FAM171A2: variants seen among roughly 807,000 people sequenced by gnomAD.
FAM171A2 encodes the protein family with sequence similarity 171 member A2, also known as protein FAM171A2.
In FAM171A2, 13 loss-of-function variants were observed where a neutral mutation model predicts 34.2. The ratio of observed to expected loss-of-function variants is 0.38; its 90% CI spans 0.25 to 0.60. FAM171A2 has a LOEUF of 0.60. FAM171A2 is among the 20% of genes least tolerant of loss of function. The pLI, the probability that FAM171A2 is intolerant of heterozygous loss-of-function variation, is 0.62. For missense variants in FAM171A2, 950 were observed against 1,180.7 expected, an observed-to-expected ratio of 0.80 and a Z score of 2.86; for synonymous variants, 475 against 561.2, an observed-to-expected ratio of 0.85 and a Z score of 2.17.
In FAM171A2 at chr17:44,356,492, G is replaced by A. The variant is rs984609385; in HGVS notation, c.536C>T (p.Ala179Val). Residue 179 changes from alanine to valine, a missense_variant, in exon 4 of 8, where the codon GCC (alanine) becomes GTC (valine). Ala to Val is a moderately conservative substitution (Grantham distance 64). Transcript: ENST00000293443. ...YSQLWASLTP[A>V]STQQEMRAFP... Reference sequence around the variant, plus strand: ...AGCCCGCATTTCCTGCTGGGTGCTGGCAGGCGTAAGTGACGCCCAGAGCTG... The same window carrying A: ...AGCCCGCATTTCCTGCTGGGTGCTGACAGGCGTAAGTGACGCCCAGAGCTG... 43 of 1,550,676 alleles carry A rather than the reference G, an allele frequency of 2.8e-5. No individual in the cohort carries two copies. The highest frequency in any genetic ancestry group is 3.6e-5 in the Non-Finnish European group (41 of 1,146,968).
At chr17:44,360,792 G>A (rs1355905468) in intron 1 of FAM171A2, among the ~76,000 whole-genome samples, 1 of 152,204 alleles carries the variant, frequency 6.6e-6, no homozygotes, top group East Asian at 1.9e-4. Context: ...GGGACACTAG[G>A]AAACTGGTCA....
chr17:44,358,444 G>A (rs1198685564), intron 3 of FAM171A2, among the ~76,000 whole-genome samples: 1 of 152,152 alleles, frequency 6.6e-6, no homozygotes, highest in Non-Finnish European at 1.5e-5. Context: ...TGTAATCCCA[G>A]CACTTTGAGA....
In FAM171A2 at chr17:44,353,841, G is replaced by C; in HGVS notation, c.2373C>G (p.Thr791=). The change falls in exon 8 of 8, where the codon ACC becomes ACG. Residue 791 remains threonine (T), a synonymous_variant. Transcript: ENST00000293443. ...CCGCCCCCAGCTCGTCCTCCGGGCT[G>C]GTGAGCGAGTCGCGCCGCAGCTCGC... ...SASELRRDSL[T]SPEDELGAEV... is the part of the protein sequence containing the mutation. 1 of 1,402,768 alleles carries C rather than the reference G, an allele frequency of 7.1e-7. No homozygotes were observed. The highest frequency in any genetic ancestry group is 3.2e-5 in the East Asian group (1 of 31,046). 86.9% of individuals were successfully genotyped at this position (1,402,768 alleles called of 1,614,324 possible).
rs1036757303 is a variant in FAM171A2, at chr17:44,353,629, G to C, written c.*104C>G. On this transcript the variant is annotated 3_prime_UTR_variant, in exon 8 of 8. Transcript: ENST00000293443. Reference sequence around the variant, plus strand: ...TCCAAGGCCCCTGGGCCCCTCTCCGGCCTGGGGCTGGGAGCTACGCGCGAG... The same window carrying C: ...TCCAAGGCCCCTGGGCCCCTCTCCGCCCTGGGGCTGGGAGCTACGCGCGAG... 3.3e-6 allele frequency: 3 copies of C among 922,994 alleles called. No homozygotes were observed. The highest frequency in any genetic ancestry group is 3.5e-5 in the African/African-American group (2 of 56,974). The allele number at this position is 922,994 out of a possible 1,614,324, so 57.2% of individuals were successfully genotyped here. A position where few individuals can be genotyped will look rare whatever the true frequency, so the allele number is the denominator to read the frequency against.
Position 44,354,036 on chromosome 17 carries a change from G to A in FAM171A2, c.2178C>T (p.Leu726=). 3.4e-6 allele frequency: 4 copies of A among 1,168,336 alleles called. No individual in the cohort carries two copies. The highest frequency in any genetic ancestry group is 4.2e-6 in the Non-Finnish European group (4 of 947,528). The allele number at this position is 1,168,336 out of a possible 1,614,324, so 72.4% of individuals were successfully genotyped here. ...PPPPAPPRLA[L]SEDTEPSSSE... is the part of the protein sequence containing the mutation. The stretch of plus-strand genomic sequence containing the variant: ...TGCTGCTGGGCTCCGTGTCCTCGCT[G>A]AGCGCCAGGCGCGGGGGCGCGGGCG... The change falls in exon 8 of 8, where the codon CTC becomes CTT. Residue 726 remains leucine (L), a synonymous_variant. Transcript: ENST00000293443. This position sits in a 1 kb window ranked among gnomAD's most constrained non-coding sequence, Gnocchi z 5.8.
intron 1 of FAM171A2, among the ~76,000 whole-genome samples, chr17:44,361,093 A>G (rs2048446227): frequency 6.6e-6 from 1 of 152,132 alleles, no homozygotes; most frequent in Non-Finnish European, 1.5e-5. Flanking sequence ...AGGGAAGCCC[A>G]AGTCTTTTGC....
At position 44,355,951 on chromosome 17, in the gene FAM171A2, C is replaced by T. The variant is rs2048421056; in HGVS notation, c.895+7G>A. ...GGCCTCTACGCCCACTGCCCCACTA[C>T]TCTTACCAGCCGTGGGGGAGGCCAT... On this transcript the variant is annotated splice_region_variant and intron_variant, in intron 6 of 7. Coordinates refer to ENST00000293443, the MANE Select transcript of FAM171A2 (RefSeq NM_198475.3). The surrounding 1 kb of genome is among the most constrained non-coding windows in gnomAD (Gnocchi z 4.1). The T allele has an allele frequency of 6.5e-7, 1 of 1,539,958 alleles. No homozygotes were observed.
Position 44,355,873 on chromosome 17 carries a change from TAGAC to T in FAM171A2, c.896-36_896-33del. On this transcript the variant is annotated intron_variant, in intron 6 of 7. Transcript: ENST00000293443. The surrounding 1 kb of genome is among the most constrained non-coding windows in gnomAD (Gnocchi z 4.1). ...CAGGCGAGGGCTTAGCGTTCAGGTG[TAGAC>T]ACCCTTCCTGCCTTTCAGAAGTCTG... is the stretch of plus-strand genomic sequence containing the variant. 1 of 1,550,916 alleles carries T rather than the reference TAGAC, an allele frequency of 6.4e-7. No individual in the cohort carries two copies. Among genetic ancestry groups the T allele is most frequent in the Non-Finnish European group, 8.7e-7 (1 of 1,146,520 alleles).
rs1475020124 is a variant in FAM171A2 at position 44,355,643 on chromosome 17, G to C, written c.1022+72C>G. The C allele has an allele frequency of 1.3e-6, 2 of 1,539,884 alleles. No individual in the cohort carries two copies. Among genetic ancestry groups the C allele is most frequent in the African/African-American group, 1.4e-5 (1 of 72,818 alleles). On this transcript the variant is annotated intron_variant, in intron 7 of 7. Coordinates refer to ENST00000293443, the MANE Select transcript of FAM171A2 (RefSeq NM_198475.3). The surrounding 1 kb of genome is among the most constrained non-coding windows in gnomAD (Gnocchi z 4.1). The stretch of plus-strand genomic sequence containing the variant: ...GTCTGCCCCTTGAGGACCAGAAGTG[G>C]ATTTTATGCATCTTTGGGGCCCCAG...
At chr17:44,359,872 C>T in intron 2 of FAM171A2, 33 bp downstream of exon 2, 1 of 1,498,496 alleles carries the variant, frequency 6.7e-7, no homozygotes, top group Non-Finnish European at 9.0e-7. Flanking sequence ...GGGTCAGCTG[C>T]TGTCCCCCCC....
chr17:44,356,168 C>CT lies in FAM171A2; in HGVS notation c.778+4dup. ...CAAGCACCTGCAGCCCCCTGAGGCA[C>CT]TTACCACTCTTGGGGTCAAATCTCC... On this transcript the variant is annotated splice_donor_region_variant and intron_variant, in intron 5 of 7. Transcript: ENST00000293443. 6.5e-7 allele frequency: 1 copy of CT among 1,542,186 alleles called. No individual in the cohort carries two copies. The highest frequency in any genetic ancestry group is 8.8e-7 in the Non-Finnish European group (1 of 1,140,122).
At position 44,354,252 on chromosome 17, in the gene FAM171A2, C is replaced by A; in HGVS notation, c.1962G>T (p.Trp654Cys). 1 of 1,454,896 alleles carries A rather than the reference C, an allele frequency of 6.9e-7. No homozygotes were observed. The allele number at this position is 1,454,896 out of a possible 1,614,324, so 90.1% of individuals were successfully genotyped here. The change falls in exon 8 of 8, where the codon TGG becomes TGT. Residue 654 changes from tryptophan (W) to cysteine (C), a missense_variant. Transcript: ENST00000293443. This position sits in a 1 kb window ranked among gnomAD's most constrained non-coding sequence, Gnocchi z 5.8. Reference protein sequence around the residue: ...ELGVKPHPRAWFVSLDGRSNS... With the variant: ...ELGVKPHPRACFVSLDGRSNS... ...TGGAGCGCCCGTCGAGGGACACGAA[C>A]CAGGCGCGCGGGTGCGGCTTCACGC... is the stretch of plus-strand genomic sequence containing the variant.
chr17:44,357,117 G>A (rs560574073), intron 3 of FAM171A2, among the ~76,000 whole-genome samples: 1 of 152,278 alleles, frequency 6.6e-6, no homozygotes, highest in South Asian at 2.1e-4. Context: ...GGAAGCCAAG[G>A]TGGGTGGATC....
intron 3 of FAM171A2, among the ~76,000 whole-genome samples, chr17:44,357,464 T>C (rs1490891285): frequency 6.6e-6 from 1 of 151,144 alleles, no homozygotes; most frequent in African/African-American, 2.4e-5. Context: ...CTGGCCAAGA[T>C]GGTGAAACCC....
At position 44,353,444 on chromosome 17, in the gene FAM171A2, A is replaced by C; in HGVS notation, c.*289T>G. 1 of 182,836 alleles carries C rather than the reference A, an allele frequency of 5.5e-6. No individual in the cohort carries two copies. Among genetic ancestry groups the C allele is most frequent in the Non-Finnish European group, 1.1e-5 (1 of 88,530 alleles). The allele number at this position is 182,836 out of a possible 1,614,324, so 11.3% of individuals were successfully genotyped here. On this transcript the variant is annotated 3_prime_UTR_variant, in exon 8 of 8. Coordinates refer to ENST00000293443, the MANE Select transcript of FAM171A2 (RefSeq NM_198475.3). Reference sequence around the variant, plus strand: ...GTCACCCCTCCTGCTTTCCCACAATAGAGCTTTCTATGTACAGCCACGTCT... The same window carrying C: ...GTCACCCCTCCTGCTTTCCCACAATCGAGCTTTCTATGTACAGCCACGTCT...
chr17:44,361,455 C>G (rs1320302867), intron 1 of FAM171A2, among the ~76,000 whole-genome samples: 1 of 152,114 alleles, frequency 6.6e-6, no homozygotes, highest in East Asian at 1.9e-4. Flanking sequence ...CTGGGGAGGT[C>G]AGGGTGCTGT....
At chr17:44,359,186 T>C in intron 3 of FAM171A2, 1 of 191,034 alleles carries the variant, frequency 5.2e-6, no homozygotes, top group Non-Finnish European at 1.1e-5. Flanking sequence ...ACCAAAAGCC[T>C]GGGGGTAGAC....
In FAM171A2 at chr17:44,355,341, C is replaced by G; in HGVS notation, c.1023-150G>C. 1.4e-5 allele frequency: 19 copies of G among 1,377,972 alleles called. No individual in the cohort carries two copies. The highest frequency in any genetic ancestry group is 1.7e-5 in the Non-Finnish European group (18 of 1,042,836). The allele number at this position is 1,377,972 out of a possible 1,614,324, so 85.4% of individuals were successfully genotyped here. ...CTCAGGAGAGATGGCGGGGAGCCGCCGTGTCCGTTTGGCGATCCCCTCAGG... is the reference window on the plus strand; with the variant it reads ...CTCAGGAGAGATGGCGGGGAGCCGCGGTGTCCGTTTGGCGATCCCCTCAGG... On this transcript the variant is annotated intron_variant, in intron 7 of 7. Coordinates refer to ENST00000293443, the MANE Select transcript of FAM171A2 (RefSeq NM_198475.3). The surrounding 1 kb of genome is among the most constrained non-coding windows in gnomAD (Gnocchi z 4.1).
Position 44,355,634 on chromosome 17 carries a change from C to T in FAM171A2, c.1022+81G>A. On this transcript the variant is annotated intron_variant, in intron 7 of 7. Coordinates refer to ENST00000293443, the MANE Select transcript of FAM171A2 (RefSeq NM_198475.3). The surrounding 1 kb of genome is among the most constrained non-coding windows in gnomAD (Gnocchi z 4.1). ...TCTTTTCCTGTCTGCCCCTTGAGGA[C>T]CAGAAGTGGATTTTATGCATCTTTG... 1 of 1,524,638 alleles carries T rather than the reference C, an allele frequency of 6.6e-7. No individual in the cohort carries two copies. The highest frequency in any genetic ancestry group is 8.9e-7 in the Non-Finnish European group (1 of 1,127,778). 94.4% of individuals were successfully genotyped at this position (1,524,638 alleles called of 1,614,324 possible). A position where few individuals can be genotyped will look rare whatever the true frequency, so the allele number is the denominator to read the frequency against.
Sources: allele counts gnomAD v4.1 joint callset (sites outside exome capture counted in the v4.1 genomes callset), GRCh38; gene constraint gnomAD v4.1.1; non-coding constraint Gnocchi (gnomAD v3.1); transcripts MANE v1.5; gene names NCBI Gene and HGNC (gene_info 2026-07-23, HGNC 2026-07-21).